Variants in DOCK9 observed in about 807,000 individuals in gnomAD.
DOCK9 encodes dedicator of cytokinesis 9.
In DOCK9, 89 loss-of-function variants were observed where a neutral mutation model predicts 263.3. That is an observed-to-expected ratio of 0.34 (90% confidence interval 0.28 to 0.40). The LOEUF (loss-of-function observed/expected upper bound fraction) is 0.40. Ranked by LOEUF, DOCK9 falls within the 10% of genes least tolerant of loss-of-function variation. DOCK9 has a pLI of 1.00. For synonymous variants in DOCK9, 976 were observed against 973.1 expected (o/e 1.00, Z -0.06); for missense variants, 2,140 against 2,603.4 (o/e 0.82, Z 3.87).
chr13:99,034,328 G>A (rs570357449), intron 1 of DOCK9, among the ~76,000 whole-genome samples: 5 of 152,294 alleles, frequency 3.3e-5, no homozygotes, highest in African/African-American at 9.6e-5. Context: ...CCCAAGAGGT[G>A]TAACTCCAAA....
In DOCK9 at chr13:98,837,602, G is replaced by T; in HGVS notation, c.4206C>A (p.Gly1402=). 1 of 1,611,602 alleles carries T rather than the reference G, an allele frequency of 6.2e-7. No homozygotes were observed. Among genetic ancestry groups the T allele is most frequent in the Admixed American group, 1.7e-5 (1 of 59,968 alleles). ...GGTGCAGAACATCTGCGTCCGAGTG[G>T]CCATAGCCTGCATGAATTACAACAC... ...DNSLTFNHSY[G]HSDADVLHQS... is the part of the protein sequence containing the mutation. Residue 1402 remains glycine, a synonymous_variant, in exon 39 of 53, where the codon GGC becomes GGA. Transcript: ENST00000682017.
chr13:99,076,945 C>A (rs941027665), intron 1 of DOCK9, among the ~76,000 whole-genome samples: 1 of 152,090 alleles, frequency 6.6e-6, no homozygotes, highest in African/African-American at 2.4e-5. Context: ...CCAGGACATG[C>A]GAGTACAGTT....
rs186101176 is a variant in DOCK9 at position 98,910,123 on chromosome 13, A to G, written c.960+4205T>C. Among the ~76,000 whole-genome samples the G allele has an allele frequency of 3.0e-3, 454 of 152,350 alleles. 5 individuals are homozygous for G. The highest frequency in any genetic ancestry group is 9.5e-3 in the African/African-American group (397 of 41,572). On this transcript the variant is annotated intron_variant, in intron 9 of 52. Coordinates refer to ENST00000682017, the MANE Select transcript of DOCK9 (RefSeq NM_001366683.2). ...ACATAAGGTGGGTTTTCTTCACACT[A>G]TCTTTAAGGAGGTGACATATATGTT...
At position 98,794,548 on chromosome 13, in the gene DOCK9, C is replaced by T; in HGVS notation, c.*78G>A. On this transcript the variant is annotated 3_prime_UTR_variant, in exon 53 of 53. Transcript: ENST00000682017. Reference sequence around the variant, plus strand: ...CTTGGTCCTCCCTGTGCTCGGTCTCCCCAGTGATTGGCTTTGGAAAGCATC... The same window carrying T: ...CTTGGTCCTCCCTGTGCTCGGTCTCTCCAGTGATTGGCTTTGGAAAGCATC... 3.3e-6 allele frequency: 5 copies of T among 1,500,346 alleles called. No homozygotes were observed. Among genetic ancestry groups the T allele is most frequent in the Non-Finnish European group, 4.5e-6 (5 of 1,109,784 alleles). The allele number at this position is 1,500,346 out of a possible 1,614,324, so 92.9% of individuals were successfully genotyped here. A position where few individuals can be genotyped will look rare whatever the true frequency, so the allele number is the denominator to read the frequency against.
intron 1 of DOCK9, among the ~76,000 whole-genome samples, chr13:98,975,472 T>TAAACAC (rs1555436474): frequency 4.9e-5 from 7 of 142,414 alleles, no homozygotes; most frequent in Non-Finnish European, 1.1e-4. Flanking sequence ...TCTAAACACA[T>TAAACAC]ACACACACAC....
intron 2 of DOCK9, among the ~76,000 whole-genome samples, chr13:98,937,403 GTAGA>G (rs565743856): frequency 8.5e-5 from 13 of 152,206 alleles, no homozygotes; most frequent in East Asian, 1.9e-4. Context: ...AGAAAGATAG[GTAGA>G]TAGATAGATA....
intron 1 of DOCK9, among the ~76,000 whole-genome samples, chr13:98,996,299 C>T (rs773187414): frequency 6.6e-6 from 1 of 152,286 alleles, no homozygotes; most frequent in Non-Finnish European, 1.5e-5. Flanking sequence ...ACAGTGTCCA[C>T]GGCACAAAGC....
chr13:98,852,650 A>C (rs1300427820), intron 35 of DOCK9, among the ~76,000 whole-genome samples: 2 of 152,214 alleles, frequency 1.3e-5, no homozygotes, highest in Non-Finnish European at 2.9e-5. Context: ...TGAAGTTCAC[A>C]GCACACCTTT....
At position 98,855,821 on chromosome 13, in the gene DOCK9, T is replaced by C. The variant is rs1292892457; in HGVS notation, c.3831+77A>G. 14 of 1,564,518 alleles carry C rather than the reference T, an allele frequency of 8.9e-6. No homozygotes were observed. In the African/African-American group the frequency reaches 1.8e-4, roughly 20 times the overall value. ...ACAAAAGGTCACACTTAAAAGGCAC[T>C]AGAACATGAAGTACGTTTACTTTGG... On this transcript the variant is annotated intron_variant, in intron 34 of 52. Coordinates refer to ENST00000682017, the MANE Select transcript of DOCK9 (RefSeq NM_001366683.2).
chr13:98,939,889 G>T (rs779177888), intron 2 of DOCK9, among the ~76,000 whole-genome samples: 1 of 152,190 alleles, frequency 6.6e-6, no homozygotes, highest in African/African-American at 2.4e-5. Context: ...GGTGCCTCAC[G>T]TCTCTGTAGA....
intron 3 of DOCK9, among the ~76,000 whole-genome samples, chr13:98,928,004 C>CAAAAAAAAAAA (rs74265290): frequency 1.6e-5 from 1 of 62,238 alleles, no homozygotes; most frequent in African/African-American, 4.3e-5. Flanking sequence ...ATCGCACATA[C>CAAAAAAAAAAA]AAAAAAAAAA....
intron 33 of DOCK9, chr13:98,860,130 A>C (rs2093818572): frequency 1.6e-6 from 2 of 1,276,388 alleles, no homozygotes; most frequent in South Asian, 2.5e-5. Context: ...TAAGATTTAA[A>C]ATGAAAACTC....
intron 15 of DOCK9, among the ~76,000 whole-genome samples, chr13:98,894,593 T>C (rs1218526461): frequency 2.0e-5 from 3 of 152,088 alleles, no homozygotes; most frequent in African/African-American, 7.2e-5. Flanking sequence ...TGCATGGTAG[T>C]TGAGCGAAGG....
chr13:98,962,559 G>C (rs1475414318), intron 1 of DOCK9, among the ~76,000 whole-genome samples: 1 of 151,688 alleles, frequency 6.6e-6, no homozygotes, highest in Non-Finnish European at 1.5e-5. Flanking sequence ...AAAAGGCAAA[G>C]CCTGGCAAAC....
chr13:98,976,913 A>G (rs2060331198), intron 1 of DOCK9, among the ~76,000 whole-genome samples: 1 of 147,088 alleles, frequency 6.8e-6, no homozygotes, highest in Admixed American at 6.9e-5. Flanking sequence ...CTTCATGGTA[A>G]CATCAACTGA....
At chr13:98,801,678 T>A (rs1009202060) in intron 49 of DOCK9, among the ~76,000 whole-genome samples, 2 of 152,194 alleles carry the variant, frequency 1.3e-5, no homozygotes, top group African/African-American at 4.8e-5. Flanking sequence ...CAGGTAGATA[T>A]GTACTTAAAA....
intron 27 of DOCK9, among the ~76,000 whole-genome samples, chr13:98,879,003 T>C (rs991704537): frequency 6.6e-6 from 1 of 152,154 alleles, no homozygotes. Flanking sequence ...GCTCCTTCTA[T>C]AATACTTCAA....
chr13:98,807,531 C>T (rs912093043), intron 48 of DOCK9, 130 bp downstream of exon 48: 2 of 788,580 alleles, frequency 2.5e-6, no homozygotes, highest in Non-Finnish European at 3.5e-6. Flanking sequence ...GAAGAAAATA[C>T]ACCTGCCACT....
At chr13:99,022,926 GAGAT>G (rs1468876031) in intron 1 of DOCK9, among the ~76,000 whole-genome samples, 2 of 152,322 alleles carry the variant, frequency 1.3e-5, no homozygotes, top group Admixed American at 1.3e-4. Flanking sequence ...TCCAGCCTGA[GAGAT>G]AGAGACAGAC....
Sources: allele counts gnomAD v4.1 joint callset (sites outside exome capture counted in the v4.1 genomes callset), GRCh38; gene constraint gnomAD v4.1.1; transcripts MANE v1.5; gene names NCBI Gene and HGNC (gene_info 2026-07-23, HGNC 2026-07-21).